DLG2: variants seen among roughly 807,000 people sequenced by gnomAD.
DLG2 encodes disks large homolog 2.
Under a neutral mutation model 132.5 loss-of-function variants are expected in DLG2, and 45 were observed. The observed-to-expected ratio is 0.34, with a 90% confidence interval of 0.27 to 0.44. The LOEUF is 0.44. Ranked by LOEUF, DLG2 falls within the 20% of genes least tolerant of loss-of-function variation. The pLI is 1.00. For missense variants in DLG2, 1,045 were observed against 1,196.9 expected, an observed-to-expected ratio of 0.87 and a Z score of 1.87; for synonymous variants, 424 against 419.6, an observed-to-expected ratio of 1.01 and a Z score of -0.13.
chr11:83,665,010 G>T (rs2075212709), intron 18 of DLG2, among the ~76,000 whole-genome samples: 1 of 152,144 alleles, frequency 6.6e-6, no homozygotes, highest in African/African-American at 2.4e-5. Flanking sequence ...TATAGCAAGT[G>T]CTCAATAAAT....
At chr11:83,465,700 C>A (rs2090896984) in intron 26 of DLG2, among the ~76,000 whole-genome samples, 1 of 152,134 alleles carries the variant, frequency 6.6e-6, no homozygotes, top group African/African-American at 2.4e-5. Flanking sequence ...CCAAAGAGTA[C>A]ATGAACAGCT....
chr11:83,675,382 T>C (rs1289038996), intron 18 of DLG2, among the ~76,000 whole-genome samples: 2 of 152,258 alleles, frequency 1.3e-5, no homozygotes, highest in African/African-American at 4.8e-5. Flanking sequence ...TTATTTGTCT[T>C]ATCATATTTT....
chr11:84,054,166 A>G (rs1212624855), intron 11 of DLG2, among the ~76,000 whole-genome samples: 1 of 152,092 alleles, frequency 6.6e-6, no homozygotes, highest in Non-Finnish European at 1.5e-5. Flanking sequence ...CAACAACAGC[A>G]TCTTAAAAGA....
At chr11:83,929,301 A>AT in intron 15 of DLG2, among the ~76,000 whole-genome samples, 1 of 152,140 alleles carries the variant, frequency 6.6e-6, no homozygotes, top group East Asian at 1.9e-4. Context: ...TAAAGTCTGT[A>AT]TTTTTTCAGC....
intron 15 of DLG2, among the ~76,000 whole-genome samples, chr11:83,908,077 G>A (rs967461460): frequency 6.6e-6 from 1 of 152,156 alleles, no homozygotes; most frequent in Admixed American, 6.6e-5. Flanking sequence ...GGCATCTCCT[G>A]AGAGCTCATT....
intron 3 of DLG2, among the ~76,000 whole-genome samples, chr11:85,290,393 G>A (rs576176860): frequency 1.3e-5 from 2 of 152,116 alleles, no homozygotes; most frequent in South Asian, 4.1e-4. Flanking sequence ...CTTCTAATAA[G>A]CTCTCAGGTG....
chr11:84,201,808 CTTTTTTTTTTTTT>C (rs58905339), intron 8 of DLG2, among the ~76,000 whole-genome samples: 8 of 64,584 alleles, frequency 1.2e-4, no homozygotes, highest in East Asian at 4.9e-4. Context: ...AAACTATTTT[CTTTTTTTTTTTTT>C]TTTTTTTTTT....
At chr11:84,741,502 AC>A (rs146117489) in intron 6 of DLG2, among the ~76,000 whole-genome samples, 3,944 of 152,066 alleles carry the variant, frequency 0.026, 180 homozygotes, top group African/African-American at 0.091. Flanking sequence ...CACCACCACC[AC>A]CACCACCACC....
At chr11:83,885,920 G>C (rs900065554) in intron 15 of DLG2, among the ~76,000 whole-genome samples, 2 of 152,136 alleles carry the variant, frequency 1.3e-5, no homozygotes, top group African/African-American at 4.8e-5. Flanking sequence ...TCACCACCAG[G>C]CCTGCCCTAA....
intron 6 of DLG2, among the ~76,000 whole-genome samples, chr11:85,081,353 G>A (rs571476508): frequency 6.6e-6 from 1 of 152,236 alleles, no homozygotes; most frequent in East Asian, 1.9e-4. Flanking sequence ...GAACACTTAG[G>A]ATATATGTTG....
At chr11:84,031,795 GT>G (rs1183530542) in intron 11 of DLG2, among the ~76,000 whole-genome samples, 1 of 152,070 alleles carries the variant, frequency 6.6e-6, no homozygotes, top group East Asian at 1.9e-4. Context: ...CAAATTGAAA[GT>G]TTGTGCTAAC....
chr11:83,962,125 CA>C (rs1339509173), intron 14 of DLG2, among the ~76,000 whole-genome samples: 1 of 151,986 alleles, frequency 6.6e-6, no homozygotes, highest in Non-Finnish European at 1.5e-5. Context: ...CAAAACAACC[CA>C]TCTATCATTC....
chr11:84,285,068 T>C (rs1386825755), intron 7 of DLG2, among the ~76,000 whole-genome samples: 1 of 152,228 alleles, frequency 6.6e-6, no homozygotes, highest in Non-Finnish European at 1.5e-5. Flanking sequence ...ATTTAAACAT[T>C]ATTATGTAAG....
At chr11:84,814,796 C>T (rs1158195307) in intron 6 of DLG2, among the ~76,000 whole-genome samples, 2 of 152,094 alleles carry the variant, frequency 1.3e-5, no homozygotes, top group Admixed American at 6.6e-5. Context: ...TCTTACATTG[C>T]TATTCATTAC....
chr11:84,448,775 C>T (rs1316701042), intron 7 of DLG2, among the ~76,000 whole-genome samples: 2 of 151,980 alleles, frequency 1.3e-5, no homozygotes, highest in African/African-American at 2.4e-5. Context: ...TCCCTCCGAA[C>T]GCCTATGAAA....
intron 17 of DLG2, among the ~76,000 whole-genome samples, chr11:83,813,058 G>C (rs143493647): frequency 2.6e-4 from 39 of 152,258 alleles, no homozygotes; most frequent in African/African-American, 9.4e-4. Context: ...TGAAGCAGGA[G>C]TCATTGGCTC....
At chr11:83,833,515 T>G (rs897148846) in intron 17 of DLG2, 99 bp downstream of exon 17, 5 of 1,302,248 alleles carry the variant, frequency 3.8e-6, no homozygotes, top group African/African-American at 3.0e-5. Flanking sequence ...CCACTTTCCT[T>G]TGTAATTAAG....
At chr11:83,968,471 C>T (rs1410953538) in intron 12 of DLG2, among the ~76,000 whole-genome samples, 3 of 152,180 alleles carry the variant, frequency 2.0e-5, no homozygotes, top group African/African-American at 7.2e-5. Flanking sequence ...ATGTTTACTG[C>T]ATACCTGTTA....
chr11:85,338,326 A>G (rs1015666171), intron 3 of DLG2, among the ~76,000 whole-genome samples: 6 of 152,246 alleles, frequency 3.9e-5, no homozygotes, highest in African/African-American at 1.4e-4. Context: ...TTTGGCATCA[A>G]TACTTGGAAC....
Sources: gnomAD v4.1 joint callset for allele counts (sites outside exome capture counted in the v4.1 genomes callset) on GRCh38, gnomAD v4.1.1 for gene constraint, MANE v1.5 for transcripts, NCBI Gene and HGNC (gene_info 2026-07-23, HGNC 2026-07-21) for gene names.